Variants in RAD54B observed in about 807,000 individuals in gnomAD.
RAD54B encodes DNA repair and recombination protein RAD54B.
RAD54B carries 78 observed loss-of-function variants against 95.8 expected under a neutral mutation model. That is an observed-to-expected ratio of 0.81 (90% CI 0.68 to 0.98). The LOEUF (loss-of-function observed/expected upper bound fraction) is 0.98. RAD54B is among the 50% of genes least tolerant of loss of function. The probability of loss-of-function intolerance (pLI) is 0.00; values close to 1 mark genes in which losing one functional copy is unlikely to be tolerated. For synonymous variants in RAD54B, 328 were observed against 354.9 expected (o/e 0.92, Z 0.85); for missense variants, 957 against 1,056.6 (o/e 0.91, Z 1.31).
intron 1 of RAD54B, among the ~76,000 whole-genome samples, chr8:94,469,725 TATA>T (rs1297329306): frequency 6.6e-6 from 1 of 152,236 alleles, no homozygotes; most frequent in Admixed American, 6.5e-5. Flanking sequence ...CACTAATGAC[TATA>T]ATGTGTCTGG....
chr8:94,421,606 A>G (rs370798721), intron 3 of RAD54B, among the ~76,000 whole-genome samples: 1 of 152,164 alleles, frequency 6.6e-6, no homozygotes, highest in African/African-American at 2.4e-5. Context: ...TCTTTTCTCC[A>G]AAAATTGTTC....
chr8:94,386,137 C>A (rs1043939896), intron 11 of RAD54B, among the ~76,000 whole-genome samples: 1 of 152,018 alleles, frequency 6.6e-6, no homozygotes, highest in African/African-American at 2.4e-5. Flanking sequence ...ATCATCATAA[C>A]CCAAATCAGT....
intron 3 of RAD54B, among the ~76,000 whole-genome samples, chr8:94,451,556 G>T (rs2130162017): frequency 6.6e-6 from 1 of 152,216 alleles, no homozygotes; most frequent in African/African-American, 2.4e-5. Context: ...AAGAAACCCT[G>T]CTGACACCAA....
intron 3 of RAD54B, chr8:94,429,593 A>T: frequency 1.0e-6 from 1 of 983,154 alleles, no homozygotes; most frequent in Non-Finnish European, 1.2e-6. Context: ...AATAAAGCTT[A>T]CTACTGCCAA....
At chr8:94,445,695 A>G (rs1015294462) in intron 3 of RAD54B, among the ~76,000 whole-genome samples, 5 of 151,850 alleles carry the variant, frequency 3.3e-5, no homozygotes, top group Non-Finnish European at 7.4e-5. Flanking sequence ...ATTTAGGTAC[A>G]TTAATTTTTT....
At chr8:94,394,652 T>C (rs1811100198) in intron 8 of RAD54B, among the ~76,000 whole-genome samples, 1 of 152,166 alleles carries the variant, frequency 6.6e-6, no homozygotes, top group South Asian at 2.1e-4. Flanking sequence ...TAGTATGCAA[T>C]AGCTTTAGGC....
chr8:94,403,497 T>C (rs1183034135), intron 6 of RAD54B, among the ~76,000 whole-genome samples: 1 of 151,920 alleles, frequency 6.6e-6, no homozygotes, highest in Non-Finnish European at 1.5e-5. Context: ...GCCAACATGG[T>C]GAAACCCCGT....
At chr8:94,446,940 T>C (rs530977690) in intron 3 of RAD54B, among the ~76,000 whole-genome samples, 4 of 150,126 alleles carry the variant, frequency 2.7e-5, no homozygotes, top group African/African-American at 9.9e-5. Flanking sequence ...TTATGTTTGA[T>C]ATAATCACAA....
At chr8:94,440,578 G>A (rs1563658600) in intron 3 of RAD54B, among the ~76,000 whole-genome samples, 1 of 152,164 alleles carries the variant, frequency 6.6e-6, no homozygotes, top group Non-Finnish European at 1.5e-5. Context: ...TAGTCATAGA[G>A]TTTTATGAAG....
intron 3 of RAD54B, among the ~76,000 whole-genome samples, chr8:94,439,441 A>G (rs1369580139): frequency 6.6e-6 from 1 of 152,214 alleles, no homozygotes; most frequent in Admixed American, 6.5e-5. Flanking sequence ...GTGTGTTTGA[A>G]TATATCACGC....
At chr8:94,425,739 T>C (rs1319005051) in intron 3 of RAD54B, among the ~76,000 whole-genome samples, 1 of 151,488 alleles carries the variant, frequency 6.6e-6, no homozygotes, top group Non-Finnish European at 1.5e-5. Context: ...TTATGTTTTA[T>C]AAGCGTAGCA....
At position 94,380,379 on chromosome 8, in the gene RAD54B, T is replaced by C; in HGVS notation, c.2013A>G (p.Gln671=). 1.2e-6 allele frequency: 2 copies of C among 1,609,606 alleles called. No homozygotes were observed. Among genetic ancestry groups the C allele is most frequent in the Non-Finnish European group, 1.7e-6 (2 of 1,176,718 alleles). The change falls in exon 12 of 15, where the codon CAA becomes CAG. Residue 671 remains glutamine (Q), a synonymous_variant. Coordinates refer to ENST00000336148, the MANE Select transcript of RAD54B (RefSeq NM_012415.3). ...ATACTTCTTGTAAAATGTTCAAGGT[T>C]TGTGTATAGTTGGATACCAACACCA... ...EKVVLVSNYT[Q]TLNILQEVCK... is the part of the protein sequence containing the mutation.
chr8:94,428,961 A>T, intron 3 of RAD54B: 1 of 982,924 alleles, frequency 1.0e-6, no homozygotes, highest in Non-Finnish European at 1.2e-6. Flanking sequence ...TTTTCTTTAT[A>T]CAGGAATTCT....
At chr8:94,468,367 G>C (rs945616550) in intron 1 of RAD54B, among the ~76,000 whole-genome samples, 1 of 152,090 alleles carries the variant, frequency 6.6e-6, no homozygotes, top group South Asian at 2.1e-4. Flanking sequence ...TGCTGTGCCA[G>C]GCAGGCCGTC....
intron 10 of RAD54B, among the ~76,000 whole-genome samples, chr8:94,390,192 T>G (rs957644669): frequency 2.6e-5 from 4 of 151,560 alleles, no homozygotes; most frequent in Non-Finnish European, 5.9e-5. Context: ...AAAAAATAAA[T>G]ATTTTTAAAA....
intron 1 of RAD54B, among the ~76,000 whole-genome samples, chr8:94,468,760 C>A (rs985670226): frequency 6.6e-6 from 1 of 151,740 alleles, no homozygotes; most frequent in Admixed American, 6.6e-5. Context: ...ACCCGGGAGG[C>A]GGAGCTTGCA....
intron 2 of RAD54B, among the ~76,000 whole-genome samples, chr8:94,458,943 A>G (rs1812838393): frequency 6.6e-6 from 1 of 152,196 alleles, no homozygotes; most frequent in Non-Finnish European, 1.5e-5. Flanking sequence ...TTATGCTACT[A>G]AAACTGAATG....
chr8:94,432,543 G>C (rs759615455), intron 3 of RAD54B: 3 of 1,550,546 alleles, frequency 1.9e-6, no homozygotes, highest in South Asian at 2.4e-5. Flanking sequence ...CAGTGGAGGA[G>C]GTGGTTTAAT....
intron 11 of RAD54B, among the ~76,000 whole-genome samples, chr8:94,383,284 C>CAAAAAAA (rs34552024): frequency 2.4e-5 from 2 of 83,176 alleles, no homozygotes; most frequent in Non-Finnish European, 4.4e-5. Flanking sequence ...GACTCCATCT[C>CAAAAAAA]AAAAAAAAAA....
Sources: gnomAD v4.1 joint callset for allele counts (sites outside exome capture counted in the v4.1 genomes callset) on GRCh38, gnomAD v4.1.1 for gene constraint, MANE v1.5 for transcripts, NCBI Gene and HGNC (gene_info 2026-07-23, HGNC 2026-07-21) for gene names.